The following FSHR variants were observed in gnomAD, a reference collection of about 807,000 sequenced individuals.
FSHR encodes follicle stimulating hormone receptor.
A neutral mutation model predicts 52.1 loss-of-function variants in FSHR; 46 were observed. That is an observed-to-expected ratio of 0.88 (90% CI 0.70 to 1.13). The LOEUF (loss-of-function observed/expected upper bound fraction) is 1.13, where lower values mean the gene tolerates loss of function less well. Among genes scored for constraint, FSHR ranks in the 50% most tolerant of loss-of-function variants. The pLI is 0.00. For synonymous variants in FSHR, 399 were observed against 309.6 expected, an observed-to-expected ratio of 1.29 and a Z score of -3.03; for missense variants, 964 against 834.6, an observed-to-expected ratio of 1.16 and a Z score of -1.91.
At chr2:48,984,561 C>G (rs1052658776) in intron 6 of FSHR, among the ~76,000 whole-genome samples, 1 of 149,756 alleles carries the variant, frequency 6.7e-6, no homozygotes, top group Non-Finnish European at 1.5e-5. Flanking sequence ...TTTTATTGAC[C>G]AAATTCAAAG....
Position 49,061,515 on chromosome 2 carries a change from A to AAT in FSHR, c.224+6702_224+6703dup, listed in dbSNP as rs552740066. On this transcript the variant is annotated intron_variant, in intron 2 of 9. Transcript: ENST00000406846. ...AATTCAGGAAGAGGATATGATTCTAAATATATATATATTTAGATATATAAA... is the reference window on the plus strand; with the variant it reads ...AATTCAGGAAGAGGATATGATTCTAAATATATATATATATTTAGATATATAAA... 1.8e-4 allele frequency among the ~76,000 whole-genome samples: 27 copies of AAT among 146,380 alleles called. No homozygotes were observed. The East Asian group carries it at 4.7e-3, about 26-fold the overall frequency.
At chr2:48,968,473 T>C (rs1674577187) in intron 9 of FSHR, among the ~76,000 whole-genome samples, 1 of 152,264 alleles carries the variant, frequency 6.6e-6, no homozygotes, top group South Asian at 2.1e-4. Context: ...GTATATGTTC[T>C]GCCACATGGG....
chr2:49,010,638 G>C (rs1481037170), intron 4 of FSHR, among the ~76,000 whole-genome samples: 1 of 150,562 alleles, frequency 6.6e-6, no homozygotes, highest in Admixed American at 6.6e-5. Flanking sequence ...GTAGAATTCG[G>C]CTGTGAATCC....
intron 4 of FSHR, chr2:48,997,270 C>T: frequency 1.0e-6 from 1 of 985,112 alleles, no homozygotes; most frequent in Non-Finnish European, 1.2e-6. Flanking sequence ...CCTTTTCGAT[C>T]TCACATTTTC....
rs145815060 is a variant in FSHR, at chr2:48,963,217, A to G, written c.1604T>C (p.Leu535Pro). 6.2e-7 allele frequency: 1 copy of G among 1,614,092 alleles called. No homozygotes were observed. The highest frequency in any genetic ancestry group is 1.3e-5 in the African/African-American group (1 of 74,942). The change falls in exon 10 of 10, where the codon CTT becomes CCT. Residue 535 changes from leucine to proline, a missense_variant. By Grantham distance (98) the Leu-to-Pro change is moderately conservative. Transcript: ENST00000406846. ...PLSQLYVMSL[L>P]VLNVLAFVVI... ...CACAAAGGCCAGGACATTGAGCACAAGGAGGGACATGACATACAGCTGTGA... is the reference window on the plus strand; with the variant it reads ...CACAAAGGCCAGGACATTGAGCACAGGGAGGGACATGACATACAGCTGTGA...
intron 2 of FSHR, among the ~76,000 whole-genome samples, chr2:49,021,150 G>T (rs1307512089): frequency 6.6e-6 from 1 of 152,084 alleles, no homozygotes; most frequent in Non-Finnish European, 1.5e-5. Flanking sequence ...TCCACTCCAT[G>T]CCATTAACTA....
At chr2:49,125,840 T>A (rs1360036815) in intron 1 of FSHR, among the ~76,000 whole-genome samples, 1 of 152,204 alleles carries the variant, frequency 6.6e-6, no homozygotes, top group African/African-American at 2.4e-5. Flanking sequence ...GTGGTACAGA[T>A]GAAATGTCAG....
chr2:49,108,771 C>T (rs938975642), intron 1 of FSHR, among the ~76,000 whole-genome samples: 4 of 151,822 alleles, frequency 2.6e-5, no homozygotes, highest in South Asian at 2.1e-4. Flanking sequence ...CTGGAGGCAA[C>T]GAAAATGAAT....
intron 2 of FSHR, among the ~76,000 whole-genome samples, chr2:49,040,879 A>T (rs1031605559): frequency 1.3e-5 from 2 of 152,192 alleles, no homozygotes; most frequent in Non-Finnish European, 2.9e-5. Context: ...ATGGCCTTAA[A>T]TCAGGGCCCA....
chr2:49,137,079 C>T (rs566608061), intron 1 of FSHR, among the ~76,000 whole-genome samples: 1 of 152,040 alleles, frequency 6.6e-6, no homozygotes, highest in East Asian at 1.9e-4. Context: ...ATTCTATTCA[C>T]AGATGATATA....
intron 4 of FSHR, among the ~76,000 whole-genome samples, chr2:48,994,475 G>A (rs1167809985): frequency 1.3e-5 from 2 of 152,018 alleles, no homozygotes; most frequent in African/African-American, 4.8e-5. Flanking sequence ...TGAGTTTAAG[G>A]CACTTAAAAA....
At chr2:49,113,265 G>A (rs1353038229) in intron 1 of FSHR, among the ~76,000 whole-genome samples, 4 of 152,148 alleles carry the variant, frequency 2.6e-5, no homozygotes, top group African/African-American at 7.2e-5. Flanking sequence ...TTATCTCATC[G>A]CCAAAACAGG....
chr2:49,043,356 T>C (rs999342602), intron 2 of FSHR, among the ~76,000 whole-genome samples: 5 of 152,114 alleles, frequency 3.3e-5, no homozygotes, highest in Non-Finnish European at 5.9e-5. Flanking sequence ...CATAAAAACA[T>C]AGAAACTGAA....
intron 8 of FSHR, among the ~76,000 whole-genome samples, chr2:48,972,031 G>T (rs1008052272): frequency 6.6e-6 from 1 of 152,086 alleles, no homozygotes; most frequent in Non-Finnish European, 1.5e-5. Flanking sequence ...TTTCTGGGTT[G>T]CTTCTTTTTC....
intron 1 of FSHR, among the ~76,000 whole-genome samples, chr2:49,074,201 CA>C (rs1202821737): frequency 7.0e-6 from 1 of 143,250 alleles, no homozygotes; most frequent in Non-Finnish European, 1.6e-5. Context: ...TATGTCAAAC[CA>C]AAAAGCTTCT....
At chr2:49,055,403 A>G (rs765882750) in intron 2 of FSHR, among the ~76,000 whole-genome samples, 2 of 151,564 alleles carry the variant, frequency 1.3e-5, no homozygotes, top group Non-Finnish European at 2.9e-5. Flanking sequence ...AACCAAATAA[A>G]TATTCATATT....
rs185403054 is a variant in FSHR at position 49,033,732 on chromosome 2, A to C, written c.225-13572T>G. On this transcript the variant is annotated intron_variant, in intron 2 of 9. Coordinates refer to ENST00000406846, the MANE Select transcript of FSHR (RefSeq NM_000145.4). The stretch of plus-strand genomic sequence containing the variant: ...TACTAGTCTCTGCTGTAAGAAAAAA[A>C]ATCATTTACCCCCAAGTGCCAGTGT... Among the ~76,000 whole-genome samples the C allele has an allele frequency of 3.1e-3, 466 of 152,266 alleles. 11 individuals carry two copies. The highest frequency in any genetic ancestry group is 0.025 in the Admixed American group (383 of 15,290).
At chr2:49,056,628 G>C (rs78596854) in intron 2 of FSHR, among the ~76,000 whole-genome samples, 4 of 151,814 alleles carry the variant, frequency 2.6e-5, no homozygotes, top group African/African-American at 9.7e-5. Context: ...AATCAACAAA[G>C]AAACATTGGA....
In FSHR at chr2:49,094,397, C is replaced by T. The variant is rs185065296; in HGVS notation, c.153-26107G>A. Among the ~76,000 whole-genome samples, 8 of 152,242 alleles carry T rather than the reference C, an allele frequency of 5.3e-5. No homozygotes were observed. The East Asian group carries it at 1.3e-3, about 26-fold the overall frequency. ...AGAAGAATAGTTTACTGTCTTTACGCAGATATTGTAGACATTTTGCCATTT... is the reference window on the plus strand; with the variant it reads ...AGAAGAATAGTTTACTGTCTTTACGTAGATATTGTAGACATTTTGCCATTT... On this transcript the variant is annotated intron_variant, in intron 1 of 9. Transcript: ENST00000406846.
Sources: allele counts gnomAD v4.1 joint callset (sites outside exome capture counted in the v4.1 genomes callset), GRCh38; gene constraint gnomAD v4.1.1; transcripts MANE v1.5; gene names NCBI Gene and HGNC (gene_info 2026-07-23, HGNC 2026-07-21).